TNIK: variants seen among roughly 807,000 people sequenced by gnomAD.
TNIK encodes the protein TRAF2 and NCK-interacting protein kinase.
In TNIK, 49 loss-of-function variants were observed where a neutral mutation model predicts 191.3. That is an observed-to-expected ratio of 0.26 (90% CI 0.20 to 0.32). The LOEUF (loss-of-function observed/expected upper bound fraction) is 0.32, where lower values mean the gene tolerates loss of function less well. TNIK is among the 10% of genes least tolerant of loss of function. The pLI, the probability that TNIK is intolerant of heterozygous loss-of-function variation, is 1.00. For missense variants in TNIK, 1,155 were observed against 1,702.3 expected, an observed-to-expected ratio of 0.68 and a Z score of 5.66; for synonymous variants, 594 against 600.9, an observed-to-expected ratio of 0.99 and a Z score of 0.17.
At chr3:171,358,035 G>A (rs1430901768) in intron 2 of TNIK, among the ~76,000 whole-genome samples, 1 of 152,096 alleles carries the variant, frequency 6.6e-6, no homozygotes, top group Non-Finnish European at 1.5e-5. Context: ...GCAAAGGGAC[G>A]GCTCCATGAG....
intron 1 of TNIK, among the ~76,000 whole-genome samples, chr3:171,421,944 C>T (rs1466219125): frequency 6.6e-6 from 1 of 151,884 alleles, no homozygotes; most frequent in Non-Finnish European, 1.5e-5. Context: ...GTTGGCCAGG[C>T]TGGTCTCAAA....
chr3:171,237,248 C>T (rs1361163675), intron 2 of TNIK, among the ~76,000 whole-genome samples: 1 of 152,084 alleles, frequency 6.6e-6, no homozygotes, highest in Non-Finnish European at 1.5e-5. Context: ...TGTCCTCAAA[C>T]CTCCAGCAGT....
At chr3:171,126,922 TC>T (rs1728557044) in intron 16 of TNIK, among the ~76,000 whole-genome samples, 1 of 152,188 alleles carries the variant, frequency 6.6e-6, no homozygotes, top group African/African-American at 2.4e-5. Context: ...TAAAGACAAA[TC>T]ATTAAAATCC....
intron 1 of TNIK, among the ~76,000 whole-genome samples, chr3:171,457,305 A>C (rs2108746271): frequency 6.6e-6 from 1 of 152,338 alleles, no homozygotes; most frequent in South Asian, 2.1e-4. Context: ...GAGAACAATA[A>C]GCCCCCAAAG....
chr3:171,073,827 T>C (rs988718403), intron 28 of TNIK, among the ~76,000 whole-genome samples: 2 of 146,704 alleles, frequency 1.4e-5, no homozygotes, highest in Non-Finnish European at 3.0e-5. Context: ...CCAGTCAGAA[T>C]GGCTAATACT....
chr3:171,121,465 G>A (rs537399077), intron 18 of TNIK, among the ~76,000 whole-genome samples: 3 of 152,294 alleles, frequency 2.0e-5, no homozygotes, highest in East Asian at 1.9e-4. Flanking sequence ...AAGTACTAGT[G>A]CATTGGAGCT....
chr3:171,086,550 T>G (rs1279949906), intron 24 of TNIK, among the ~76,000 whole-genome samples: 1 of 152,208 alleles, frequency 6.6e-6, no homozygotes, highest in Non-Finnish European at 1.5e-5. Context: ...TGTGTTCTTT[T>G]CCTTGGGGTA....
chr3:171,438,757 G>A (rs1054608083), intron 1 of TNIK, among the ~76,000 whole-genome samples: 4 of 152,178 alleles, frequency 2.6e-5, no homozygotes, highest in Admixed American at 2.6e-4. Context: ...TAGTAACAGG[G>A]GTTTTGTGGC....
intron 1 of TNIK, among the ~76,000 whole-genome samples, chr3:171,390,923 C>A (rs1719424501): frequency 6.6e-6 from 1 of 152,194 alleles, no homozygotes; most frequent in South Asian, 2.1e-4. Context: ...AAACACTGAT[C>A]ATCTGAAAGG....
At chr3:171,212,309 A>G (rs1740932772) in intron 3 of TNIK, among the ~76,000 whole-genome samples, 1 of 151,954 alleles carries the variant, frequency 6.6e-6, no homozygotes, top group African/African-American at 2.4e-5. Context: ...TTCCTGATTG[A>G]GTTTAATCGA....
intron 2 of TNIK, among the ~76,000 whole-genome samples, chr3:171,329,620 T>A (rs1207577056): frequency 2.1e-4 from 32 of 152,332 alleles, no homozygotes. Context: ...AAGAAGTAGA[T>A]GGCAAAATAA....
chr3:171,289,713 C>T (rs1751459768), intron 2 of TNIK, among the ~76,000 whole-genome samples: 1 of 151,958 alleles, frequency 6.6e-6, no homozygotes, highest in South Asian at 2.1e-4. Flanking sequence ...ACCAGCCTGG[C>T]CAACATGGCA....
At chr3:171,335,736 T>A (rs769983694) in intron 2 of TNIK, among the ~76,000 whole-genome samples, 1 of 152,234 alleles carries the variant, frequency 6.6e-6, no homozygotes, top group African/African-American at 2.4e-5. Context: ...GACCATTCAA[T>A]ACAGATCTTG....
intron 1 of TNIK, among the ~76,000 whole-genome samples, chr3:171,432,553 A>C (rs1426802097): frequency 6.6e-6 from 1 of 152,230 alleles, no homozygotes; most frequent in African/African-American, 2.4e-5. Context: ...AATCAGGTTA[A>C]CTACAAAGTA....
intron 1 of TNIK, among the ~76,000 whole-genome samples, chr3:171,392,656 T>C (rs1437385465): frequency 6.6e-6 from 1 of 151,450 alleles, no homozygotes; most frequent in Non-Finnish European, 1.5e-5. Context: ...GGGGGATGCC[T>C]GTAATCCCAG....
intron 10 of TNIK, 127 bp downstream of exon 10, chr3:171,166,968 C>G: frequency 1.6e-6 from 2 of 1,215,344 alleles, no homozygotes; most frequent in African/African-American, 1.5e-5. Context: ...GTCTCAGAGA[C>G]AGCCCCTCGC....
intron 3 of TNIK, among the ~76,000 whole-genome samples, chr3:171,226,476 G>A (rs921423036): frequency 2.6e-5 from 4 of 152,038 alleles, no homozygotes; most frequent in African/African-American, 9.7e-5. Flanking sequence ...ACATCCCTAG[G>A]CTGTCCACCT....
At chr3:171,398,948 A>G (rs6785427) in intron 1 of TNIK, among the ~76,000 whole-genome samples, 76,616 of 151,936 alleles carry the variant, frequency 0.5, 20,410 homozygotes, top group African/African-American at 0.64. Flanking sequence ...CCCAAGAATC[A>G]GAGGCTCTCC....
chr3:171,282,334 G>GTTTTTTTTTTTTCTTTT (rs201489240), intron 2 of TNIK, among the ~76,000 whole-genome samples: 1 of 114,524 alleles, frequency 8.7e-6, no homozygotes, highest in Non-Finnish European at 1.8e-5. Flanking sequence ...TCTCTTAATG[G>GTTTTTTTTTTTTCTTTT]TTTTTTGTTT....
Sources: gnomAD v4.1 joint callset for allele counts (sites outside exome capture counted in the v4.1 genomes callset) on GRCh38, gnomAD v4.1.1 for gene constraint, MANE v1.5 for transcripts, NCBI Gene and HGNC (gene_info 2026-07-23, HGNC 2026-07-21) for gene names.